TBC1D23: variants seen among roughly 807,000 people sequenced by gnomAD.
TBC1D23 encodes the protein TBC1 domain family member 23, also known as HCV non-structural protein 4A-transactivated protein 1.
A neutral mutation model predicts 91.4 loss-of-function variants in TBC1D23; 55 were observed. That is an observed-to-expected ratio of 0.60 (90% CI 0.48 to 0.75). The LOEUF (loss-of-function observed/expected upper bound fraction) is 0.75, where lower values mean the gene tolerates loss of function less well. Ranked by LOEUF, TBC1D23 falls within the 30% of genes least tolerant of loss-of-function variation. The probability of loss-of-function intolerance (pLI) is 0.00; values close to 1 mark genes in which losing one functional copy is unlikely to be tolerated. For synonymous variants in TBC1D23, 289 were observed against 281.0 expected (o/e 1.03, Z -0.28); for missense variants, 725 against 836.1 (o/e 0.87, Z 1.64).
chr3:100,320,690 TA>T, intron 17 of TBC1D23, 86 bp from the exon 18 acceptor site: 1 of 769,118 alleles, frequency 1.3e-6, no homozygotes, highest in Non-Finnish European at 1.9e-6. Flanking sequence ...TGAACATTTC[TA>T]ATAATTGAGA....
chr3:100,312,677 C>T (rs1248791205), intron 15 of TBC1D23, among the ~76,000 whole-genome samples: 1 of 151,962 alleles, frequency 6.6e-6, no homozygotes, highest in African/African-American at 2.4e-5. Flanking sequence ...ATTACAGCAA[C>T]ACCTACAAAC....
rs140544160 is a variant in TBC1D23, at chr3:100,319,461, T to G, written c.1823+257T>G. Among the ~76,000 whole-genome samples the G allele has an allele frequency of 9.5e-3, 1,442 of 152,076 alleles. 18 individuals are homozygous for G. Among genetic ancestry groups the G allele is most frequent in the African/African-American group, 0.033 (1,353 of 41,490 alleles). ...TTTTCTTTTTGAGACGGAGTTTTGC[T>G]CTTGTTGCCCAGGCTGGAGTGTAGT... On this transcript the variant is annotated intron_variant, in intron 17 of 18. Coordinates refer to ENST00000394144, the MANE Select transcript of TBC1D23 (RefSeq NM_001199198.3).
At chr3:100,271,213 G>A (rs2067596627) in intron 1 of TBC1D23, among the ~76,000 whole-genome samples, 1 of 152,102 alleles carries the variant, frequency 6.6e-6, no homozygotes, top group East Asian at 1.9e-4. Flanking sequence ...GATGAGAAAT[G>A]GAAGTGGGTT....
At chr3:100,286,751 C>T (rs140646805) in intron 4 of TBC1D23, among the ~76,000 whole-genome samples, 44 of 152,250 alleles carry the variant, frequency 2.9e-4, no homozygotes, top group African/African-American at 9.1e-4. Context: ...CCAACTCGAC[C>T]TCCCAAAGTG....
chr3:100,294,295 C>G (rs2067819163), intron 5 of TBC1D23, among the ~76,000 whole-genome samples: 1 of 149,908 alleles, frequency 6.7e-6, no homozygotes, highest in Admixed American at 6.6e-5. Flanking sequence ...GAGTCTCACT[C>G]TGTCACCCAG....
chr3:100,268,151 C>T (rs985391306), intron 1 of TBC1D23, among the ~76,000 whole-genome samples: 4 of 152,080 alleles, frequency 2.6e-5, no homozygotes, highest in African/African-American at 9.7e-5. Context: ...CAGAGTGAGA[C>T]TCTGTCTCTA....
At chr3:100,293,619 CTG>C (rs2148860641) in intron 5 of TBC1D23, among the ~76,000 whole-genome samples, 1 of 152,280 alleles carries the variant, frequency 6.6e-6, no homozygotes, top group Admixed American at 6.5e-5. Context: ...CTCTTCTAAT[CTG>C]TGTTTGTAAT....
At chr3:100,274,183 A>G (rs930719632) in intron 1 of TBC1D23, among the ~76,000 whole-genome samples, 3 of 152,188 alleles carry the variant, frequency 2.0e-5, no homozygotes, top group African/African-American at 7.2e-5. Context: ...AAGAAATAGT[A>G]TTCATGGATT....
At chr3:100,293,149 ATTTT>A (rs143929791) in intron 5 of TBC1D23, among the ~76,000 whole-genome samples, 35,806 of 151,460 alleles carry the variant, frequency 0.24, 4,625 homozygotes, top group East Asian at 0.5. Context: ...TTATTTATTT[ATTTT>A]GTGAGACGGA....
chr3:100,297,882 AT>A lies in TBC1D23; in HGVS notation c.877-31del, dbSNP rs3832199. 6.3e-3 allele frequency: 8,844 copies of A among 1,408,578 alleles called. 41 individuals are homozygous for A. The highest frequency in any genetic ancestry group is 7.4e-3 in the South Asian group (552 of 74,784). The allele number at this position is 1,408,578 out of a possible 1,614,324, so 87.3% of individuals were successfully genotyped here. On this transcript the variant is annotated intron_variant, in intron 8 of 18. Coordinates refer to ENST00000394144, the MANE Select transcript of TBC1D23 (RefSeq NM_001199198.3). Reference sequence around the variant, plus strand: ...AGAATATTTTTAGGAAGAAAGTTTGATTTTTTTTTTCATAATGTTTAAAAAT... The same window carrying A: ...AGAATATTTTTAGGAAGAAAGTTTGATTTTTTTTTCATAATGTTTAAAAAT...
intron 1 of TBC1D23, among the ~76,000 whole-genome samples, chr3:100,267,840 A>G (rs1307641766): frequency 1.3e-5 from 2 of 152,206 alleles, no homozygotes; most frequent in Non-Finnish European, 2.9e-5. Flanking sequence ...ATATATTAAT[A>G]ACATCTCATT....
At chr3:100,290,225 T>A (rs1207351010) in intron 4 of TBC1D23, among the ~76,000 whole-genome samples, 6 of 152,196 alleles carry the variant, frequency 3.9e-5, no homozygotes, top group Admixed American at 3.9e-4. Context: ...AAGCCTAGTT[T>A]CTAGAAGTTC....
At chr3:100,263,976 A>T (rs2067536527) in intron 1 of TBC1D23, among the ~76,000 whole-genome samples, 2 of 152,272 alleles carry the variant, frequency 1.3e-5, no homozygotes, top group Admixed American at 6.5e-5. Flanking sequence ...AGGAACCCTA[A>T]CATGGTCGGT....
At chr3:100,318,955 T>C (rs1705803058) in intron 16 of TBC1D23, 114 bp from the exon 17 acceptor site, 1 of 640,962 alleles carries the variant, frequency 1.6e-6, no homozygotes, top group Non-Finnish European at 2.6e-6. Context: ...GCCCAGGCTG[T>C]TTGTTTTTCA....
rs555502332 is a variant in TBC1D23, at chr3:100,307,766, T to A, written c.1413+1223T>A. On this transcript the variant is annotated intron_variant, in intron 13 of 18. Coordinates refer to ENST00000394144, the MANE Select transcript of TBC1D23 (RefSeq NM_001199198.3). ...ACTAAATAATATTTCATTTTATGGG[T>A]GTATTATAATTTATTCAGTTCTCTA... Among the ~76,000 whole-genome samples, 43 of 152,340 alleles carry A rather than the reference T, an allele frequency of 2.8e-4. No homozygotes were observed. In the South Asian group the frequency reaches 3.1e-3, roughly 11 times the overall value.
chr3:100,307,208 T>C (rs1342597468), intron 13 of TBC1D23, among the ~76,000 whole-genome samples: 1 of 152,264 alleles, frequency 6.6e-6, no homozygotes, highest in African/African-American at 2.4e-5. Context: ...AGTACTTCAA[T>C]ATTTCATGTC....
chr3:100,286,550 T>C (rs1039201284), intron 4 of TBC1D23, among the ~76,000 whole-genome samples: 1 of 151,694 alleles, frequency 6.6e-6, no homozygotes, highest in African/African-American at 2.4e-5. Flanking sequence ...CAAGCTGGAG[T>C]GCAGTGGCAC....
chr3:100,317,947 CATTTAA>C (rs1337271014), intron 16 of TBC1D23, among the ~76,000 whole-genome samples: 9 of 146,764 alleles, frequency 6.1e-5, no homozygotes, highest in African/African-American at 2.1e-4. Context: ...CATTTATATA[CATTTAA>C]GTGTATATAT....
intron 10 of TBC1D23, among the ~76,000 whole-genome samples, chr3:100,300,284 C>T (rs1014948080): frequency 6.6e-6 from 1 of 152,018 alleles, no homozygotes; most frequent in African/African-American, 2.4e-5. Flanking sequence ...GTCTACCTTT[C>T]CCCTTCCCAA....
Sources: allele counts gnomAD v4.1 joint callset (sites outside exome capture counted in the v4.1 genomes callset), GRCh38; gene constraint gnomAD v4.1.1; transcripts MANE v1.5; gene names NCBI Gene and HGNC (gene_info 2026-07-23, HGNC 2026-07-21).